The following CCSER1 variants were observed in gnomAD, a reference collection of about 807,000 sequenced individuals.
CCSER1 encodes coiled-coil serine rich protein 1.
Under a neutral mutation model 82.0 loss-of-function variants are expected in CCSER1, and 41 were observed. The observed-to-expected ratio is 0.50, with a 90% CI of 0.39 to 0.65. CCSER1 has a LOEUF of 0.65. CCSER1 is among the 30% of genes least tolerant of loss of function. The pLI is 0.00. For synonymous variants in CCSER1, 414 were observed against 383.9 expected, an observed-to-expected ratio of 1.08 and a Z score of -0.92; for missense variants, 1,119 against 1,064.2, an observed-to-expected ratio of 1.05 and a Z score of -0.72.
intron 10 of CCSER1, among the ~76,000 whole-genome samples, chr4:91,166,549 G>A (rs1436730962): frequency 6.6e-6 from 1 of 152,168 alleles, no homozygotes; most frequent in Non-Finnish European, 1.5e-5. Context: ...TTAAGATGAG[G>A]CTTATAAAAC....
chr4:90,984,566 C>A (rs1305427743), intron 9 of CCSER1, among the ~76,000 whole-genome samples: 3 of 151,628 alleles, frequency 2.0e-5, no homozygotes, highest in Admixed American at 2.0e-4. Context: ...ACAAGTGTCT[C>A]TTAGTTGAGT....
At chr4:90,339,836 G>C (rs148565966) in intron 3 of CCSER1, among the ~76,000 whole-genome samples, 3 of 151,360 alleles carry the variant, frequency 2.0e-5, no homozygotes, top group African/African-American at 7.3e-5. Context: ...ATATATGTTT[G>C]CTTACTTATT....
At chr4:90,695,542 A>G (rs189957979) in intron 6 of CCSER1, among the ~76,000 whole-genome samples, 1 of 152,166 alleles carries the variant, frequency 6.6e-6, no homozygotes, top group Non-Finnish European at 1.5e-5. Context: ...GGAGTAAGGA[A>G]TGGAACTAAT....
chr4:91,052,435 C>G (rs1207372758), intron 9 of CCSER1, among the ~76,000 whole-genome samples: 1 of 151,962 alleles, frequency 6.6e-6, no homozygotes, highest in Non-Finnish European at 1.5e-5. Flanking sequence ...AATATATAAT[C>G]TATTGTATTT....
At chr4:91,014,796 G>A (rs1244632790) in intron 9 of CCSER1, among the ~76,000 whole-genome samples, 1 of 152,032 alleles carries the variant, frequency 6.6e-6, no homozygotes, top group Admixed American at 6.6e-5. Context: ...TAGTGTAAAG[G>A]CATACTGTAA....
intron 4 of CCSER1, among the ~76,000 whole-genome samples, chr4:90,417,509 AT>A (rs1443151418): frequency 6.6e-6 from 1 of 152,068 alleles, no homozygotes; most frequent in Non-Finnish European, 1.5e-5. Context: ...ATGTTTTTGG[AT>A]AAAAAGAATG....
At chr4:90,313,237 G>A (rs1410401307) in intron 3 of CCSER1, among the ~76,000 whole-genome samples, 190 bp downstream of exon 3, 1 of 152,160 alleles carries the variant, frequency 6.6e-6, no homozygotes, top group Non-Finnish European at 1.5e-5. Flanking sequence ...AGTTCACCAT[G>A]ACAGCTGTCT....
intron 1 of CCSER1, among the ~76,000 whole-genome samples, chr4:90,218,692 A>G (rs954803915): frequency 6.6e-5 from 10 of 152,094 alleles, no homozygotes; most frequent in African/African-American, 2.4e-4. Flanking sequence ...TAAAAATGTA[A>G]ACATGATACG....
At chr4:90,605,499 GACTAGAAT>G (rs1279311897) in intron 5 of CCSER1, among the ~76,000 whole-genome samples, 1 of 152,128 alleles carries the variant, frequency 6.6e-6, no homozygotes, top group Admixed American at 6.5e-5. Context: ...CAAAAATATA[GACTAGAAT>G]ATTATATGCA....
At chr4:91,444,749 C>T (rs1271540278) in intron 10 of CCSER1, among the ~76,000 whole-genome samples, 1 of 152,208 alleles carries the variant, frequency 6.6e-6, no homozygotes, top group East Asian at 1.9e-4. Context: ...CACACCCAGC[C>T]TCTTGCTTCT....
intron 4 of CCSER1, among the ~76,000 whole-genome samples, chr4:90,403,293 A>G (rs1233169322): frequency 1.3e-5 from 2 of 151,932 alleles, no homozygotes; most frequent in African/African-American, 4.8e-5. Context: ...AGGTCAGGAG[A>G]TCGAGACCAT....
At chr4:90,922,215 C>T (rs1416616765) in intron 8 of CCSER1, among the ~76,000 whole-genome samples, 2 of 151,634 alleles carry the variant, frequency 1.3e-5, no homozygotes, top group African/African-American at 2.4e-5. Flanking sequence ...AAATTATGTA[C>T]GTACTTTGAT....
chr4:91,003,394 T>C (rs116032473), intron 9 of CCSER1, among the ~76,000 whole-genome samples: 3,751 of 152,098 alleles, frequency 0.025, 132 homozygotes, highest in African/African-American at 0.082. Context: ...GGGTGGGTCT[T>C]ACTGAGGCTG....
intron 1 of CCSER1, among the ~76,000 whole-genome samples, chr4:90,160,506 A>T (rs1412836333): frequency 6.6e-6 from 1 of 152,182 alleles, no homozygotes; most frequent in Non-Finnish European, 1.5e-5. Context: ...AACAAAGAAG[A>T]TGGCTAAATT....
chr4:90,711,472 A>G (rs551102626), intron 6 of CCSER1, among the ~76,000 whole-genome samples: 21 of 152,012 alleles, frequency 1.4e-4, no homozygotes, highest in Non-Finnish European at 2.5e-4. Context: ...TGGATTTGTC[A>G]TATGTGGCTT....
intron 8 of CCSER1, among the ~76,000 whole-genome samples, chr4:90,823,015 T>C (rs1371082586): frequency 6.6e-6 from 1 of 151,076 alleles, no homozygotes; most frequent in Non-Finnish European, 1.5e-5. Flanking sequence ...ATCTATACTT[T>C]TCAATGCTAG....
chr4:90,693,662 C>T (rs1378059121), intron 6 of CCSER1, among the ~76,000 whole-genome samples: 2 of 151,850 alleles, frequency 1.3e-5, no homozygotes, highest in Non-Finnish European at 2.9e-5. Flanking sequence ...TGGTTCTTGT[C>T]AATTCTGTAA....
chr4:90,633,657 T>C (rs903865431), intron 6 of CCSER1, among the ~76,000 whole-genome samples: 2 of 151,946 alleles, frequency 1.3e-5, no homozygotes, highest in Non-Finnish European at 2.9e-5. Context: ...TATAAATCAT[T>C]ATAAAACCAC....
chr4:90,256,366 T>C (rs1232567006), intron 1 of CCSER1, among the ~76,000 whole-genome samples: 1 of 152,174 alleles, frequency 6.6e-6, no homozygotes, highest in Non-Finnish European at 1.5e-5. Context: ...TCTCATTTAA[T>C]CTATGGTAAA....
Sources: allele counts gnomAD v4.1 joint callset (sites outside exome capture counted in the v4.1 genomes callset), GRCh38; gene constraint gnomAD v4.1.1; transcripts MANE v1.5; gene names NCBI Gene and HGNC (gene_info 2026-07-23, HGNC 2026-07-21).